Variants in CSRP3 observed in about 807,000 individuals in gnomAD.
CSRP3 encodes the protein cysteine and glycine rich protein 3.
Under a neutral mutation model 24.3 loss-of-function variants are expected in CSRP3, and 24 were observed. That is an observed-to-expected ratio of 0.99 (90% CI 0.71 to 1.39). The LOEUF is 1.39. Among genes scored for constraint, CSRP3 ranks in the 40% most tolerant of loss-of-function variants. CSRP3 has a pLI of 0.00. For synonymous variants in CSRP3, 105 were observed against 94.0 expected, an observed-to-expected ratio of 1.12 and a Z score of -0.68; for missense variants, 240 against 249.0, an observed-to-expected ratio of 0.96 and a Z score of 0.24.
chr11:19,183,147 G>A (rs1021047307), intron 5 of CSRP3, among the ~76,000 whole-genome samples: 3 of 124,172 alleles, frequency 2.4e-5, no homozygotes, highest in African/African-American at 9.4e-5. Flanking sequence ...GACAGAGCAA[G>A]ACTCCGTCTC....
intron 5 of CSRP3, among the ~76,000 whole-genome samples, chr11:19,184,734 G>A (rs1040697443): frequency 1.3e-5 from 2 of 152,154 alleles, no homozygotes; most frequent in African/African-American, 4.8e-5. Context: ...AAAGCATCTG[G>A]TCTCTGCCAG....
rs1160667223 is a variant in CSRP3, at chr11:19,182,442, C to A, written c.*228G>T. On this transcript the variant is annotated 3_prime_UTR_variant, in exon 6 of 6. Transcript: ENST00000265968. ...ACTAAAACATTTATTTATTGCCTCT[C>A]CCATTCCAAGCATTATAAATAATAA... The A allele has an allele frequency of 7.5e-5, 44 of 587,762 alleles. No homozygotes were observed. In the East Asian group the frequency reaches 1.2e-3, roughly 16 times the overall value. 36.4% of individuals were successfully genotyped at this position (587,762 alleles called of 1,614,324 possible).
At chr11:19,191,985 A>G (rs1422337405) in intron 2 of CSRP3, among the ~76,000 whole-genome samples, 1 of 152,186 alleles carries the variant, frequency 6.6e-6, no homozygotes, top group Non-Finnish European at 1.5e-5. Flanking sequence ...CTGGCTTCAG[A>G]TAAGTGCTGG....
At chr11:19,197,564 T>TTTCTTTCTTTCTTTC (rs1850760367) in intron 1 of CSRP3, among the ~76,000 whole-genome samples, 1 of 136,418 alleles carries the variant, frequency 7.3e-6, no homozygotes, top group Non-Finnish European at 1.6e-5. Context: ...TCTTTCTTTC[T>TTTCTTTCTTTCTTTC]TTCTTTCTTT....
intron 4 of CSRP3, 148 bp downstream of exon 4, chr11:19,186,068 A>G: frequency 1.0e-6 from 1 of 990,352 alleles, no homozygotes; most frequent in Non-Finnish European, 1.6e-6. Context: ...CCAGCCTGGG[A>G]AAGTGGCTGA....
chr11:19,200,063 C>A (rs565743886), intron 1 of CSRP3, among the ~76,000 whole-genome samples: 2 of 152,132 alleles, frequency 1.3e-5, no homozygotes, highest in African/African-American at 4.8e-5. Context: ...GACCTCTGGA[C>A]TTTTATCAGC....
At chr11:19,197,283 CA>C (rs2133522473) in intron 1 of CSRP3, among the ~76,000 whole-genome samples, 1 of 152,026 alleles carries the variant, frequency 6.6e-6, no homozygotes, top group East Asian at 1.9e-4. Flanking sequence ...TCTGAATTTT[CA>C]AAAGAATAAC....
At chr11:19,186,114 A>G (rs1850520156) in intron 4 of CSRP3, 102 bp downstream of exon 4, 1 of 1,480,432 alleles carries the variant, frequency 6.8e-7, no homozygotes, top group Admixed American at 1.7e-5. Context: ...TGGGAGCTAG[A>G]GAGAATGACA....
chr11:19,190,559 A>G (rs1232660657), intron 2 of CSRP3, among the ~76,000 whole-genome samples: 1 of 152,262 alleles, frequency 6.6e-6, no homozygotes, highest in Non-Finnish European at 1.5e-5. Flanking sequence ...TTAAATTTAC[A>G]TATGTTGCTG....
chr11:19,191,193 G>A (rs1850608333), intron 2 of CSRP3, among the ~76,000 whole-genome samples: 1 of 152,194 alleles, frequency 6.6e-6, no homozygotes. Context: ...TGAGTACATG[G>A]CAGAGCCCAG....
intron 1 of CSRP3, among the ~76,000 whole-genome samples, chr11:19,196,463 C>T (rs1304654955): frequency 6.6e-6 from 1 of 152,158 alleles, no homozygotes; most frequent in Non-Finnish European, 1.5e-5. Flanking sequence ...ACTCAAATGG[C>T]ACCAATGTGC....
At position 19,182,302 on chromosome 11, in the gene CSRP3, CT is replaced by C. The variant is rs910159810; in HGVS notation, c.*367del. On this transcript the variant is annotated 3_prime_UTR_variant, in exon 6 of 6. Coordinates refer to ENST00000265968, the MANE Select transcript of CSRP3 (RefSeq NM_003476.5). ...GCGCATTGTTTCTTCCTTCTCACTC[CT>C]TTCTCAGTTGACATCCAAATTTATT... 7.2e-4 allele frequency: 164 copies of C among 227,852 alleles called. No individual in the cohort carries two copies. Among genetic ancestry groups the C allele is most frequent in the African/African-American group, 3.5e-3 (155 of 44,570 alleles). 14.1% of individuals were successfully genotyped at this position (227,852 alleles called of 1,614,324 possible). A position where few individuals can be genotyped will look rare whatever the true frequency, so the allele number is the denominator to read the frequency against.
chr11:19,197,066 T>A (rs1850726651), intron 1 of CSRP3: 1 of 152,230 alleles, frequency 6.6e-6, no homozygotes, highest in Non-Finnish European at 1.5e-5. Flanking sequence ...TTTTGCCTCT[T>A]CGAAGCTGTG....
chr11:19,191,009 A>ACG (rs1850604452), intron 2 of CSRP3, among the ~76,000 whole-genome samples: 1 of 152,230 alleles, frequency 6.6e-6, no homozygotes, highest in South Asian at 2.1e-4. Flanking sequence ...TCCTGTTCCC[A>ACG]CGCAGTTACC....
intron 1 of CSRP3, among the ~76,000 whole-genome samples, chr11:19,200,467 T>A (rs565818014): frequency 6.6e-6 from 1 of 152,282 alleles, no homozygotes; most frequent in South Asian, 2.1e-4. Flanking sequence ...CCTCTCTTCC[T>A]CCCTTCCTCC....
At position 19,186,644 on chromosome 11, in the gene CSRP3, G is replaced by A. The variant is rs956842910; in HGVS notation, c.282-296C>T. On this transcript the variant is annotated intron_variant, in intron 3 of 5. Coordinates refer to ENST00000265968, the MANE Select transcript of CSRP3 (RefSeq NM_003476.5). ...AGCACTTAGCAAATGTTCTAGTTAT[G>A]TTAGCTTGTGTTATTGTTGTTGTTG... Among the ~76,000 whole-genome samples, 34 of 152,244 alleles carry A rather than the reference G, an allele frequency of 2.2e-4. 1 individual carries two copies. The highest frequency in any genetic ancestry group is 8.0e-4 in the African/African-American group (33 of 41,452).
intron 5 of CSRP3, 75 bp from the exon 6 acceptor site, chr11:19,182,821 GCA>G: frequency 9.8e-7 from 1 of 1,021,984 alleles, no homozygotes; most frequent in South Asian, 1.3e-5. Flanking sequence ...TTCTGTCTGA[GCA>G]CAGTCCTTTT....
chr11:19,194,154 T>C (rs994884752), intron 1 of CSRP3, among the ~76,000 whole-genome samples: 3 of 152,154 alleles, frequency 2.0e-5, no homozygotes, highest in African/African-American at 4.8e-5. Context: ...GGATTGTATC[T>C]CACAGTCTCA....
Position 19,185,033 on chromosome 11 carries a change from T to A in CSRP3, c.427A>T (p.Thr143Ser). ...CCACAGATGGCACAGCGGAAACAGG[T>A]CTTGTGCCAAGGCTGAGGGGCACAG... ...VMGGGKPWHK[T>S]CFRCAICGKS... is the part of the protein sequence containing the mutation. The change falls in exon 5 of 6, where the codon ACC becomes TCC. Residue 143 changes from threonine to serine, a missense_variant. Thr to Ser is a moderately conservative substitution (Grantham distance 58). Transcript: ENST00000265968. 6.2e-7 allele frequency: 1 copy of A among 1,614,094 alleles called. No homozygotes were observed. Among genetic ancestry groups the A allele is most frequent in the Non-Finnish European group, 8.5e-7 (1 of 1,179,896 alleles).
Sources: gnomAD v4.1 joint callset for allele counts (sites outside exome capture counted in the v4.1 genomes callset) on GRCh38, gnomAD v4.1.1 for gene constraint, MANE v1.5 for transcripts, NCBI Gene and HGNC (gene_info 2026-07-23, HGNC 2026-07-21) for gene names.